Variants in TRAK1 observed in about 807,000 individuals in gnomAD.
The protein encoded by TRAK1 is trafficking kinesin-binding protein 1.
In TRAK1, 33 loss-of-function variants were observed where a neutral mutation model predicts 92.1. The observed-to-expected ratio is 0.36, with a 90% confidence interval of 0.27 to 0.48. The LOEUF is 0.48. TRAK1 is among the 20% of genes least tolerant of loss of function. The probability of loss-of-function intolerance (pLI) is 0.99; values close to 1 mark genes in which losing one functional copy is unlikely to be tolerated. For missense variants in TRAK1, 1,123 were observed against 1,257.9 expected (o/e 0.89, Z 1.62); for synonymous variants, 521 against 517.3 (o/e 1.01, Z -0.10).
At chr3:42,113,379 C>T (rs868749286) in intron 1 of TRAK1, among the ~76,000 whole-genome samples, 28 of 88,486 alleles carry the variant, frequency 3.2e-4, no homozygotes, top group African/African-American at 1.2e-3. Context: ...CCTACCCCTA[C>T]CCCTACCCCT....
At chr3:42,123,704 T>C (rs1002069448) in intron 1 of TRAK1, among the ~76,000 whole-genome samples, 1 of 115,810 alleles carries the variant, frequency 8.6e-6, no homozygotes, top group African/African-American at 3.0e-5. Flanking sequence ...TTGTCACAAG[T>C]ATTTTTTTTT....
chr3:42,223,624 A>T lies in TRAK1; in HGVS notation c.2749A>T (p.Asn917Tyr), dbSNP rs1710567584. The change falls in exon 16 of 16, where the codon AAT (asparagine) becomes TAT (tyrosine). Residue 917 changes from asparagine (N) to tyrosine (Y), a missense_variant. Around this residue, in one of 3 missense-constraint regions of TRAK1, gnomAD observed 401 missense variants for 438.9 expected, o/e 0.91. Coordinates refer to ENST00000327628, the MANE Select transcript of TRAK1 (RefSeq NM_001042646.3). This position sits in a 1 kb window ranked among gnomAD's most constrained non-coding sequence, Gnocchi z 6.1. Reference protein sequence around the residue: ...GLQLNSGIRRNRSFPTMVGSS... With the variant: ...GLQLNSGIRRYRSFPTMVGSS... ...GCAGCTCAATAGTGGCATCCGGCGG[A>T]ATCGCAGCTTCCCCACCATGGTGGG... 1 of 1,613,652 alleles carries T rather than the reference A, an allele frequency of 6.2e-7. No homozygotes were observed. Among genetic ancestry groups the T allele is most frequent in the African/African-American group, 1.3e-5 (1 of 74,806 alleles).
chr3:42,199,325 G>T, intron 11 of TRAK1, 72 bp downstream of exon 11: 1 of 1,478,972 alleles, frequency 6.8e-7, no homozygotes, highest in Non-Finnish European at 9.4e-7. Context: ...TCAAAACCTA[G>T]CAATGTTGAG....
At chr3:42,117,025 T>G (rs1709252250) in intron 1 of TRAK1, among the ~76,000 whole-genome samples, 1 of 152,114 alleles carries the variant, frequency 6.6e-6, no homozygotes, top group Non-Finnish European at 1.5e-5. Context: ...TCAGGGACTC[T>G]CATAAAAATA....
chr3:42,037,212 T>A (rs1019600797), intron 1 of TRAK1, among the ~76,000 whole-genome samples: 1 of 152,242 alleles, frequency 6.6e-6, no homozygotes, highest in African/African-American at 2.4e-5. Context: ...CCATAGAAGC[T>A]GCTTTTAGAG....
chr3:42,194,475 A>G (rs572166771), intron 9 of TRAK1, among the ~76,000 whole-genome samples: 1 of 152,254 alleles, frequency 6.6e-6, no homozygotes, highest in African/African-American at 2.4e-5. Flanking sequence ...TGCCCAAGCA[A>G]ACTGCCTGCC....
rs200776452 is a variant in TRAK1, at chr3:42,091,521, G to A, written c.52G>A (p.Gly18Arg). The A allele has an allele frequency of 1.8e-4, 289 of 1,613,490 alleles. No individual in the cohort carries two copies. The highest frequency in any genetic ancestry group is 2.3e-4 in the Non-Finnish European group (272 of 1,179,870). Residue 18 changes from glycine to arginine, a missense_variant, in exon 1 of 16, where the codon GGA becomes AGA. By Grantham distance (125) the Gly-to-Arg change is moderately radical. Coordinates refer to ENST00000327628, the MANE Select transcript of TRAK1 (RefSeq NM_001042646.3). ...GQPVRAQPLP[G>R]LCHGKLIRTN... is the part of the protein sequence containing the mutation. ...GCCCGTCAGGGCTCAGCCTCTGCCAGGACTCTGCCACGGCAAGCTCATTCG... is the reference window on the plus strand; with the variant it reads ...GCCCGTCAGGGCTCAGCCTCTGCCAAGACTCTGCCACGGCAAGCTCATTCG...
rs35147167 is a variant in TRAK1 at position 42,038,803 on chromosome 3, G to GTTTT, written c.-519+24703_-519+24706dup. ...ACTTCATCTCAAAAAAAAAAAAAAA[G>GTTTT]TTTTTTTTTTTTTTTTTTTTGGTAG... is the stretch of plus-strand genomic sequence containing the variant. On this transcript the variant is annotated intron_variant, in intron 1 of 16. Transcript: ENST00000487159. 5.1e-3 allele frequency among the ~76,000 whole-genome samples: 489 copies of GTTTT among 96,722 alleles called. 8 individuals are homozygous for GTTTT. The highest frequency in any genetic ancestry group is 7.1e-3 in the Middle Eastern group (1 of 140). The allele number at this position is 96,722 out of a possible 152,430, so 63.5% of individuals were successfully genotyped here.
intron 1 of TRAK1, among the ~76,000 whole-genome samples, chr3:42,051,955 C>T (rs1703001236): frequency 1.3e-5 from 2 of 152,184 alleles, no homozygotes; most frequent in South Asian, 4.1e-4. Flanking sequence ...TTCTCTACTA[C>T]CCAGTGACGT....
chr3:42,189,521 A>G (rs1705368130), intron 6 of TRAK1, among the ~76,000 whole-genome samples: 1 of 152,086 alleles, frequency 6.6e-6, no homozygotes, highest in South Asian at 2.1e-4. Flanking sequence ...AGAGAGAGCC[A>G]TATTTCTTTT....
intron 1 of TRAK1, among the ~76,000 whole-genome samples, chr3:42,092,391 T>G (rs9848492): frequency 0.04 from 6,103 of 152,252 alleles, 421 homozygotes; most frequent in African/African-American, 0.14. Context: ...TAAATCTTAT[T>G]GAATAAGCCT....
At chr3:42,117,405 C>T (rs1205674464) in intron 1 of TRAK1, among the ~76,000 whole-genome samples, 1 of 152,118 alleles carries the variant, frequency 6.6e-6, no homozygotes, top group Admixed American at 6.5e-5. Flanking sequence ...GCCATTGCCT[C>T]TTTCTGGCAT....
chr3:42,036,695 G>A (rs1425225691), intron 1 of TRAK1, among the ~76,000 whole-genome samples: 1 of 152,160 alleles, frequency 6.6e-6, no homozygotes, highest in African/African-American at 2.4e-5. Flanking sequence ...GACTTCCTAG[G>A]CTTGACTCTG....
rs534836407 is a variant in TRAK1, at chr3:42,201,118, G to A, written c.1427+64G>A. On this transcript the variant is annotated intron_variant, in intron 12 of 15. Coordinates refer to ENST00000327628, the MANE Select transcript of TRAK1 (RefSeq NM_001042646.3). ...TGAGGAGTGGTAGTATGGATTGTCT[G>A]CAGGCTCAGTAATTATTAAGAGGGA... 3.3e-6 allele frequency: 5 copies of A among 1,522,446 alleles called. No individual in the cohort carries two copies. The African/African-American group carries it at 6.9e-5, about 21-fold the overall frequency. The allele number at this position is 1,522,446 out of a possible 1,614,324, so 94.3% of individuals were successfully genotyped here. A position where few individuals can be genotyped will look rare whatever the true frequency, so the allele number is the denominator to read the frequency against.
upstream of TRAK1, among the ~76,000 whole-genome samples, chr3:42,086,195 C>T (rs547321830): frequency 5.8e-4 from 89 of 152,230 alleles, no homozygotes; most frequent in African/African-American, 1.8e-3. Flanking sequence ...CGGCGCAGAG[C>T]GGAGTGTTCA....
At chr3:42,082,738 A>G (rs565780517), upstream of TRAK1, among the ~76,000 whole-genome samples, 1 of 152,348 alleles carries the variant, frequency 6.6e-6, no homozygotes, top group Admixed American at 6.5e-5. Flanking sequence ...TGCATTTTGC[A>G]AAGTGAGAAA....
chr3:42,016,471 C>G (rs1701531160), intron 1 of TRAK1, among the ~76,000 whole-genome samples: 1 of 152,250 alleles, frequency 6.6e-6, no homozygotes, highest in South Asian at 2.1e-4. Context: ...TCCCAAAGTG[C>G]TGGGATTATA....
chr3:42,121,654 T>C (rs544644616), intron 1 of TRAK1, among the ~76,000 whole-genome samples: 6 of 152,222 alleles, frequency 3.9e-5, no homozygotes, highest in South Asian at 4.1e-4. Context: ...TCTCCTTCCA[T>C]AGGGGGTCTG....
chr3:42,107,854 T>C (rs191624013), intron 1 of TRAK1, among the ~76,000 whole-genome samples: 1 of 151,822 alleles, frequency 6.6e-6, no homozygotes, highest in African/African-American at 2.4e-5. Context: ...TGTGCAGTAC[T>C]GGTGCAGCCC....
Sources: allele counts gnomAD v4.1 joint callset (sites outside exome capture counted in the v4.1 genomes callset), GRCh38; gene constraint gnomAD v4.1.1; regional missense constraint gnomAD v4.1.1; non-coding constraint Gnocchi (gnomAD v3.1); transcripts MANE v1.5; gene names NCBI Gene and HGNC (gene_info 2026-07-23, HGNC 2026-07-21).